Variants in PIEZO2 observed in about 807,000 individuals in gnomAD.
The protein encoded by PIEZO2 is piezo type mechanosensitive ion channel component 2, also known as piezo-type mechanosensitive ion channel component 2.
Under a neutral mutation model 337.3 loss-of-function variants are expected in PIEZO2, and 172 were observed. The observed-to-expected ratio is 0.51, with a 90% confidence interval of 0.45 to 0.58. The LOEUF is 0.58. PIEZO2 is among the 20% of genes least tolerant of loss of function. The pLI is 0.00. For missense variants in PIEZO2, 3,028 were observed against 3,391.3 expected, an observed-to-expected ratio of 0.89 and a Z score of 2.66; for synonymous variants, 1,251 against 1,228.5, an observed-to-expected ratio of 1.02 and a Z score of -0.38.
intron 33 of PIEZO2, 170 bp downstream of exon 33, chr18:10,740,861 C>T (rs755160449): frequency 4.1e-6 from 3 of 726,070 alleles, no homozygotes; most frequent in African/African-American, 3.5e-5. Context: ...AGAATTGGAC[C>T]CCGGGCTCAA....
intron 2 of PIEZO2, among the ~76,000 whole-genome samples, chr18:11,024,049 T>G (rs1286263934): frequency 6.6e-6 from 1 of 152,136 alleles, no homozygotes. Context: ...CCCCGCAAGC[T>G]GAGGGAGCTG....
chr18:11,115,753 C>G (rs1053400090), intron 1 of PIEZO2, among the ~76,000 whole-genome samples: 6 of 152,000 alleles, frequency 3.9e-5, no homozygotes, highest in African/African-American at 1.4e-4. Flanking sequence ...GTATTTTTAT[C>G]TGGCAATGAT....
chr18:10,985,427 T>C (rs2034834288), intron 2 of PIEZO2, among the ~76,000 whole-genome samples: 1 of 152,082 alleles, frequency 6.6e-6, no homozygotes. Flanking sequence ...CCCAATACCA[T>C]TTATTGAAGA....
At chr18:11,055,884 T>C (rs2037716792) in intron 2 of PIEZO2, among the ~76,000 whole-genome samples, 1 of 152,178 alleles carries the variant, frequency 6.6e-6, no homozygotes, top group African/African-American at 2.4e-5. Flanking sequence ...CACTTCTGTG[T>C]CAAGGTCCCA....
intron 2 of PIEZO2, among the ~76,000 whole-genome samples, chr18:11,008,392 A>G (rs934969944): frequency 3.3e-5 from 5 of 152,198 alleles, no homozygotes; most frequent in African/African-American, 1.2e-4. Flanking sequence ...CCTTGTCTTA[A>G]TTAGTTCACA....
intron 2 of PIEZO2, among the ~76,000 whole-genome samples, chr18:10,997,290 C>T (rs1199288769): frequency 6.7e-6 from 1 of 149,370 alleles, no homozygotes; most frequent in Non-Finnish European, 1.5e-5. Flanking sequence ...AAAACTTAAA[C>T]ATTCTGCAGA....
At chr18:11,115,606 T>C (rs1015458335) in intron 1 of PIEZO2, among the ~76,000 whole-genome samples, 1 of 152,176 alleles carries the variant, frequency 6.6e-6, no homozygotes, top group African/African-American at 2.4e-5. Context: ...ATTTCACACA[T>C]GTATAAAGTC....
Position 10,710,565 on chromosome 18 carries a change from C to T in PIEZO2, c.5424-2126G>A, listed in dbSNP as rs570738004. Among the ~76,000 whole-genome samples the T allele has an allele frequency of 1.1e-4, 16 of 152,320 alleles. No individual in the cohort carries two copies. The South Asian group carries it at 1.7e-3, about 16-fold the overall frequency. On this transcript the variant is annotated intron_variant, in intron 39 of 55. Transcript: ENST00000674853. ...TTTTACATCTGGATTTGAAAGAAAC[C>T]GTGACTATTCTCGTAAGTCAAAGGG... is the stretch of plus-strand genomic sequence containing the variant.
chr18:10,699,322 T>C (rs1478517613), intron 43 of PIEZO2, 145 bp from the exon 44 acceptor site: 2 of 1,139,296 alleles, frequency 1.8e-6, no homozygotes, highest in Non-Finnish European at 1.2e-6. Flanking sequence ...CCATATCTCA[T>C]CTTGAATTCC....
chr18:10,984,793 T>C (rs2034805429), intron 2 of PIEZO2, among the ~76,000 whole-genome samples: 1 of 152,074 alleles, frequency 6.6e-6, no homozygotes, highest in Non-Finnish European at 1.5e-5. Context: ...AAAAGCATTA[T>C]GATCAAATTG....
intron 7 of PIEZO2, among the ~76,000 whole-genome samples, chr18:10,825,553 T>TC (rs1382147979): frequency 6.8e-6 from 1 of 146,884 alleles, no homozygotes; most frequent in Admixed American, 6.7e-5. Flanking sequence ...TTTCTTCCTT[T>TC]TTTTTTTTTT....
At chr18:10,776,085 A>G (rs932244765) in intron 18 of PIEZO2, among the ~76,000 whole-genome samples, 3 of 152,260 alleles carry the variant, frequency 2.0e-5, no homozygotes, top group African/African-American at 7.2e-5. Context: ...TGTTTCAAAA[A>G]GACACTTGTG....
intron 2 of PIEZO2, among the ~76,000 whole-genome samples, chr18:11,019,699 C>A (rs2036244015): frequency 6.6e-6 from 1 of 152,140 alleles, no homozygotes; most frequent in Non-Finnish European, 1.5e-5. Flanking sequence ...ACTTACCCCC[C>A]TACCCCAACA....
rs1444535696 is a variant in PIEZO2, at chr18:10,705,473, G to A, written c.5862C>T (p.Ser1954=). ...YSKAVSFEHL[S]FGSQDDSAGK... The stretch of plus-strand genomic sequence containing the variant: ...CTGCAGAGTCGTCCTGCGAGCCGAA[G>A]GACAGATGCTCGAAGCTCACAGCCT... Residue 1954 remains serine (S), a synonymous_variant, in exon 41 of 56, where the codon TCC becomes TCT. Coordinates refer to ENST00000674853, the MANE Select transcript of PIEZO2 (RefSeq NM_001378183.1). The A allele has an allele frequency of 1.8e-5, 27 of 1,537,178 alleles. No individual in the cohort carries two copies. The highest frequency in any genetic ancestry group is 2.0e-5 in the Non-Finnish European group (23 of 1,146,930).
chr18:11,137,730 T>A (rs1484910893), intron 1 of PIEZO2, among the ~76,000 whole-genome samples: 1 of 152,156 alleles, frequency 6.6e-6, no homozygotes, highest in Non-Finnish European at 1.5e-5. Context: ...TCTCTCTAAT[T>A]CACTTCCGTG....
At chr18:10,808,606 A>G (rs1390651463) in intron 7 of PIEZO2, among the ~76,000 whole-genome samples, 2 of 152,356 alleles carry the variant, frequency 1.3e-5, no homozygotes, top group African/African-American at 4.8e-5. Flanking sequence ...TTTATCAGAA[A>G]TAAATAAGTT....
chr18:10,891,700 C>G (rs1406082226), intron 4 of PIEZO2, among the ~76,000 whole-genome samples: 1 of 152,100 alleles, frequency 6.6e-6, no homozygotes, highest in Non-Finnish European at 1.5e-5. Flanking sequence ...TGAGGGATCT[C>G]AAAGGCTGTA....
At chr18:10,927,369 T>G (rs2031807942) in intron 3 of PIEZO2, among the ~76,000 whole-genome samples, 1 of 152,182 alleles carries the variant, frequency 6.6e-6, no homozygotes, top group Non-Finnish European at 1.5e-5. Flanking sequence ...GGATGCAGTT[T>G]CCAGGTCTGT....
Position 10,699,264 on chromosome 18 carries a change from C to T in PIEZO2, c.6442-87G>A, listed in dbSNP as rs113766688. ...GTCTTACAAAATCTCATCCAACAAA[C>T]TGTCCTTCAAGATTAGAAAAGCAAG... On this transcript the variant is annotated intron_variant, in intron 43 of 55. Transcript: ENST00000674853. 4,114 of 1,491,138 alleles carry T rather than the reference C, an allele frequency of 2.8e-3. 12 individuals carry two copies. The highest frequency in any genetic ancestry group is 3.4e-3 in the Non-Finnish European group (3,821 of 1,115,978). The allele number at this position is 1,491,138 out of a possible 1,614,324, so 92.4% of individuals were successfully genotyped here. A position where few individuals can be genotyped will look rare whatever the true frequency, so the allele number is the denominator to read the frequency against.
Sources: gnomAD v4.1 joint callset for allele counts (sites outside exome capture counted in the v4.1 genomes callset) on GRCh38, gnomAD v4.1.1 for gene constraint, MANE v1.5 for transcripts, NCBI Gene and HGNC (gene_info 2026-07-23, HGNC 2026-07-21) for gene names.